Variants in AOPEP observed in about 807,000 individuals in gnomAD.
AOPEP encodes the protein aminopeptidase O (putative), also known as aminopeptidase O.
AOPEP carries 77 observed loss-of-function variants against 98.1 expected under a neutral mutation model. That is an observed-to-expected ratio of 0.78 (90% CI 0.65 to 0.95). The LOEUF (loss-of-function observed/expected upper bound fraction) is 0.95, where lower values mean the gene tolerates loss of function less well. Ranked by LOEUF, AOPEP falls within the 40% of genes least tolerant of loss-of-function variation. AOPEP has a pLI of 0.00. For synonymous variants in AOPEP, 346 were observed against 365.3 expected (o/e 0.95, Z 0.60); for missense variants, 1,024 against 1,024.7 (o/e 1.00, Z 0.01).
intron 5 of AOPEP, among the ~76,000 whole-genome samples, chr9:94,825,940 C>T (rs1162721019): frequency 1.3e-5 from 2 of 152,008 alleles, no homozygotes; most frequent in Admixed American, 6.6e-5. Context: ...TTCTGTTTAG[C>T]TGTTTATAAC....
At chr9:94,804,064 C>G (rs1679496238) in intron 5 of AOPEP, among the ~76,000 whole-genome samples, 1 of 152,142 alleles carries the variant, frequency 6.6e-6, no homozygotes, top group African/African-American at 2.4e-5. Context: ...TTCATTGTGT[C>G]CTCGTATGTT....
chr9:94,826,334 C>G (rs768178387), intron 5 of AOPEP, among the ~76,000 whole-genome samples: 1 of 152,186 alleles, frequency 6.6e-6, no homozygotes, highest in Non-Finnish European at 1.5e-5. Context: ...TCCTCTTCCC[C>G]GCAGCCCTGT....
At chr9:95,122,584 C>A in the AOPEP span, among the ~76,000 whole-genome samples, 3 of 152,184 alleles carry the variant, frequency 2.0e-5, no homozygotes, top group Non-Finnish European at 4.4e-5. Context: ...TGTGGTCCCA[C>A]GTCCTTAGAT....
intron 13 of AOPEP, among the ~76,000 whole-genome samples, chr9:95,030,165 GT>G (rs1374475643): frequency 2.0e-5 from 3 of 152,160 alleles, no homozygotes; most frequent in Admixed American, 2.0e-4. Context: ...ATATGGGAAG[GT>G]ATAAAGAAGA....
intron 2 of AOPEP, among the ~76,000 whole-genome samples, chr9:94,772,281 T>C (rs1841070302): frequency 6.6e-6 from 1 of 152,234 alleles, no homozygotes; most frequent in Admixed American, 6.5e-5. Context: ...TTGTCAACCA[T>C]GACTTTATCA....
chr9:94,880,274 A>C (rs1542108), intron 5 of AOPEP, among the ~76,000 whole-genome samples: 144,901 of 152,260 alleles, frequency 0.95, 68,959 homozygotes, highest in Middle Eastern at 0.99. Context: ...TGGAGTCCCA[A>C]TAGAAGTGAG....
intron 3 of AOPEP, among the ~76,000 whole-genome samples, chr9:94,791,361 G>T (rs1243570668): frequency 6.6e-6 from 1 of 151,926 alleles, no homozygotes; most frequent in Non-Finnish European, 1.5e-5. Flanking sequence ...TGGGAGGAGG[G>T]TGAGGACAGA....
At position 94,941,328 on chromosome 9, in the gene AOPEP, C is replaced by T. The variant is rs1366850976; in HGVS notation, c.1661+12797C>T. Among the ~76,000 whole-genome samples the T allele has an allele frequency of 2.6e-5, 4 of 152,258 alleles. No homozygotes were observed. The East Asian group carries it at 5.8e-4, about 22-fold the overall frequency. ...CTCTCCTAAGGTCTCAACTGTATGTCTTAGAATTCCTGCCCTACACCCCTC... is the reference window on the plus strand; with the variant it reads ...CTCTCCTAAGGTCTCAACTGTATGTTTTAGAATTCCTGCCCTACACCCCTC... On this transcript the variant is annotated intron_variant, in intron 7 of 16. Transcript: ENST00000375315.
intron 7 of AOPEP, chr9:94,933,744 AT>A (rs1047553038): frequency 4.5e-5 from 37 of 821,420 alleles, no homozygotes; most frequent in African/African-American, 7.5e-5. Context: ...ATTTTTATTT[AT>A]TTTTTTTAAT....
intron 16 of AOPEP, among the ~76,000 whole-genome samples, chr9:95,083,980 G>A (rs1054999755): frequency 1.7e-4 from 26 of 152,162 alleles, no homozygotes; most frequent in African/African-American, 6.3e-4. Flanking sequence ...GCAACCTAGC[G>A]GTAGTACACA....
chr9:94,888,334 C>CGTGTGTG (rs2048473544), intron 5 of AOPEP, among the ~76,000 whole-genome samples: 4 of 34,544 alleles, frequency 1.2e-4, no homozygotes, highest in South Asian at 8.6e-4. Context: ...TGTGTGTGTA[C>CGTGTGTG]TTTTTATTTT....
chr9:94,873,242 G>T (rs1168357762), intron 5 of AOPEP, among the ~76,000 whole-genome samples: 2 of 152,192 alleles, frequency 1.3e-5, no homozygotes, highest in African/African-American at 4.8e-5. Flanking sequence ...TGGATTCATG[G>T]CCAAAGGAAA....
chr9:95,121,396 T>C, the AOPEP span, among the ~76,000 whole-genome samples: 1 of 152,172 alleles, frequency 6.6e-6, no homozygotes, highest in Non-Finnish European at 1.5e-5. Flanking sequence ...GGAGAGAATG[T>C]GGATTTATGG....
intron 14 of AOPEP, 25 bp from the exon 15 acceptor site, chr9:95,080,669 A>C (rs775611710): frequency 2.0e-5 from 32 of 1,594,792 alleles, no homozygotes; most frequent in Non-Finnish European, 2.7e-5. Flanking sequence ...CTTGTCGCTC[A>C]CTGGGCTCTC....
downstream of AOPEP, among the ~76,000 whole-genome samples, chr9:95,088,412 T>C (rs2070817015): frequency 6.6e-6 from 1 of 152,154 alleles, no homozygotes; most frequent in Non-Finnish European, 1.5e-5. Context: ...TTTCACCACG[T>C]TGGTCAGGCT....
chr9:94,757,296 A>G (rs564217690), intron 1 of AOPEP, among the ~76,000 whole-genome samples: 1 of 152,354 alleles, frequency 6.6e-6, no homozygotes, highest in East Asian at 1.9e-4. Context: ...TTGGAAAGTT[A>G]AAAGTTTTAG....
At chr9:94,934,140 G>A (rs1303983169) in intron 7 of AOPEP, among the ~76,000 whole-genome samples, 1 of 152,052 alleles carries the variant, frequency 6.6e-6, no homozygotes, top group African/African-American at 2.4e-5. Flanking sequence ...CTGCTTTGGT[G>A]GCAGAAGCTC....
intron 5 of AOPEP, among the ~76,000 whole-genome samples, chr9:94,859,841 T>C (rs1397072417): frequency 6.6e-6 from 1 of 152,246 alleles, no homozygotes; most frequent in African/African-American, 2.4e-5. Flanking sequence ...CAGGCACTAT[T>C]ATACTCAAGT....
At chr9:94,742,894 T>C (rs1406519802) in intron 1 of AOPEP, among the ~76,000 whole-genome samples, 2 of 152,192 alleles carry the variant, frequency 1.3e-5, no homozygotes, top group East Asian at 3.8e-4. Flanking sequence ...CGCAGATTGT[T>C]GGAGAAGCAT....
Sources: allele counts gnomAD v4.1 joint callset (sites outside exome capture counted in the v4.1 genomes callset), GRCh38; gene constraint gnomAD v4.1.1; transcripts MANE v1.5; gene names NCBI Gene and HGNC (gene_info 2026-07-23, HGNC 2026-07-21).